Variants in POLR3H observed in about 807,000 individuals in gnomAD.
POLR3H encodes the protein RNA polymerase III subunit H.
POLR3H carries 17 observed loss-of-function variants against 25.5 expected under a neutral mutation model. The observed-to-expected ratio is 0.67, with a 90% CI of 0.46 to 1.00. The LOEUF (loss-of-function observed/expected upper bound fraction) is 1.00, where lower values mean the gene tolerates loss of function less well. POLR3H is among the 50% of genes least tolerant of loss of function. The probability of loss-of-function intolerance (pLI) is 0.00; values close to 1 mark genes in which losing one functional copy is unlikely to be tolerated. For synonymous variants in POLR3H, 129 were observed against 103.0 expected (o/e 1.25, Z -1.53); for missense variants, 274 against 265.0 (o/e 1.03, Z -0.24).
Position 41,527,244 on chromosome 22 carries a change from G to A in POLR3H, c.*2039C>T, listed in dbSNP as rs1013900776. ...AGGTAGGGCCAGACAGGTGAGGACG[G>A]TGCCCTCCTCTGCCTTATAACCTTA... On this transcript the variant is annotated 3_prime_UTR_variant, in exon 6 of 6. Transcript: ENST00000355209. The A allele has an allele frequency of 1.9e-6, 3 of 1,613,680 alleles. No individual in the cohort carries two copies. Among genetic ancestry groups the A allele is most frequent in the Admixed American group, 3.3e-5 (2 of 59,980 alleles).
In POLR3H at chr22:41,526,198, G is replaced by A; in HGVS notation, c.*3085C>T. On this transcript the variant is annotated 3_prime_UTR_variant, in exon 6 of 6. Transcript: ENST00000355209. ...CCGGGGCCTGCTGCCTGCCTCTGGA[G>A]GGCTTGTCATCCACCCCTCCAGGGC... is the stretch of plus-strand genomic sequence containing the variant. The A allele has an allele frequency of 6.7e-7, 1 of 1,496,312 alleles. No homozygotes were observed. The highest frequency in any genetic ancestry group is 9.1e-7 in the Non-Finnish European group (1 of 1,095,806). 92.7% of individuals were successfully genotyped at this position (1,496,312 alleles called of 1,614,324 possible). A position where few individuals can be genotyped will look rare whatever the true frequency, so the allele number is the denominator to read the frequency against.
chr22:41,537,982 T>A (rs2145564333), intron 2 of POLR3H, among the ~76,000 whole-genome samples: 1 of 151,010 alleles, frequency 6.6e-6, no homozygotes, highest in Non-Finnish European at 1.5e-5. Context: ...TTTTTTTTTT[T>A]TGAGATACAG....
At chr22:41,538,777 G>A (rs1346793333) in intron 2 of POLR3H, among the ~76,000 whole-genome samples, 1 of 152,138 alleles carries the variant, frequency 6.6e-6, no homozygotes, top group African/African-American at 2.4e-5. Flanking sequence ...TGTTTCTTCG[G>A]CCTCTCGGCG....
Position 41,528,431 on chromosome 22 carries a change from G to C in POLR3H, c.*852C>G, listed in dbSNP as rs771766674. On this transcript the variant is annotated 3_prime_UTR_variant, in exon 6 of 6. Coordinates refer to ENST00000355209, the MANE Select transcript of POLR3H (RefSeq NM_001018050.4). ...TCCCTGACCCCCCTGCGGGGCCAAG[G>C]GCACACAGTACCCACCACTTCCACC... 6.3e-7 allele frequency: 1 copy of C among 1,599,818 alleles called. No individual in the cohort carries two copies. Among genetic ancestry groups the C allele is most frequent in the East Asian group, 2.2e-5 (1 of 44,720 alleles).
chr22:41,527,270 C>G lies in POLR3H; in HGVS notation c.*2013G>C. The G allele has an allele frequency of 1.2e-6, 2 of 1,614,130 alleles. No individual in the cohort carries two copies. Among genetic ancestry groups the G allele is most frequent in the Non-Finnish European group, 1.7e-6 (2 of 1,179,998 alleles). On this transcript the variant is annotated 3_prime_UTR_variant, in exon 6 of 6. Coordinates refer to ENST00000355209, the MANE Select transcript of POLR3H (RefSeq NM_001018050.4). The stretch of plus-strand genomic sequence containing the variant: ...TGCCCTCCTCTGCCTTATAACCTTA[C>G]CCCCGCTTGCCTGACAGAAACATGG...
At position 41,527,503 on chromosome 22, in the gene POLR3H, C is replaced by T; in HGVS notation, c.*1780G>A. The T allele has an allele frequency of 1.3e-6, 2 of 1,531,370 alleles. No individual in the cohort carries two copies. The highest frequency in any genetic ancestry group is 1.8e-6 in the Non-Finnish European group (2 of 1,140,518). 94.9% of individuals were successfully genotyped at this position (1,531,370 alleles called of 1,614,324 possible). On this transcript the variant is annotated 3_prime_UTR_variant, in exon 6 of 6. Coordinates refer to ENST00000355209, the MANE Select transcript of POLR3H (RefSeq NM_001018050.4). ...TCTCCCTGCCCGTGGCTGAGTTGGG[C>T]CTGGTTCTAGGCTGTGTCCACTGCA...
At position 41,526,554 on chromosome 22, in the gene POLR3H, G is replaced by A. The variant is rs1015069512; in HGVS notation, c.*2729C>T. 7 of 1,335,176 alleles carry A rather than the reference G, an allele frequency of 5.2e-6. No individual in the cohort carries two copies. The highest frequency in any genetic ancestry group is 7.1e-6 in the Non-Finnish European group (7 of 982,820). 82.7% of individuals were successfully genotyped at this position (1,335,176 alleles called of 1,614,324 possible). A position where few individuals can be genotyped will look rare whatever the true frequency, so the allele number is the denominator to read the frequency against. ...TAGGGGAGTGGAAACTGGGAAGGAG[G>A]CCGACCAAGCCCAAAGGGGACTGCT... On this transcript the variant is annotated 3_prime_UTR_variant, in exon 6 of 6. Coordinates refer to ENST00000355209, the MANE Select transcript of POLR3H (RefSeq NM_001018050.4).
chr22:41,532,048 A>T, intron 4 of POLR3H, 46 bp downstream of exon 4: 2 of 1,567,058 alleles, frequency 1.3e-6, no homozygotes, highest in Non-Finnish European at 1.8e-6. Flanking sequence ...TCCTTTGGAG[A>T]GGCCTGAGCT....
Position 41,527,753 on chromosome 22 carries a change from G to A in POLR3H, c.*1530C>T. ...TTGCTAGGGGCACCCCTAGTGAAAG[G>A]GAGCAGACCAGGGCCCCATAGTCAC... On this transcript the variant is annotated 3_prime_UTR_variant, in exon 6 of 6. Transcript: ENST00000355209. 1 of 1,333,926 alleles carries A rather than the reference G, an allele frequency of 7.5e-7. No homozygotes were observed. The highest frequency in any genetic ancestry group is 1.0e-6 in the Non-Finnish European group (1 of 981,020). The allele number at this position is 1,333,926 out of a possible 1,614,324, so 82.6% of individuals were successfully genotyped here. A position where few individuals can be genotyped will look rare whatever the true frequency, so the allele number is the denominator to read the frequency against.
intron 2 of POLR3H, 37 bp downstream of exon 2, chr22:41,540,662 C>T (rs373950442): frequency 4.3e-5 from 65 of 1,514,102 alleles, no homozygotes; most frequent in Non-Finnish European, 5.0e-5. Context: ...AACTGAGCCC[C>T]AAGAAGCCCA....
At chr22:41,543,628 AAAAAC>A (rs529008269) in intron 1 of POLR3H, 57 of 385,276 alleles carry the variant, frequency 1.5e-4, no homozygotes, top group East Asian at 3.5e-4. Context: ...CTCAAAAACA[AAAAAC>A]AAAACAAAAC....
At chr22:41,529,799 G>A (rs1443310540) in intron 5 of POLR3H, 4 of 426,216 alleles carry the variant, frequency 9.4e-6, no homozygotes, top group South Asian at 3.3e-5. Context: ...ACTGTCACCC[G>A]GGCTGGAGTG....
chr22:41,527,441 A>T lies in POLR3H; in HGVS notation c.*1842T>A, dbSNP rs1457899049. 1 of 1,596,512 alleles carries T rather than the reference A, an allele frequency of 6.3e-7. No homozygotes were observed. ...CCACGGTGAGCTGGAGTCTGTACCCAGGCCATCCTCATCCCATCCCTAGTG... is the reference window on the plus strand; with the variant it reads ...CCACGGTGAGCTGGAGTCTGTACCCTGGCCATCCTCATCCCATCCCTAGTG... On this transcript the variant is annotated 3_prime_UTR_variant, in exon 6 of 6. Transcript: ENST00000355209.
rs955767214 is a variant in POLR3H at position 41,528,121 on chromosome 22, A to G, written c.*1162T>C. The G allele has an allele frequency of 4.9e-5, 75 of 1,543,134 alleles. No individual in the cohort carries two copies. In the South Asian group the frequency reaches 6.1e-4, roughly 13 times the overall value. The stretch of plus-strand genomic sequence containing the variant: ...AGGGTAGCTTCTCCCAGGAGGCTTC[A>G]TTCCAGCTGGAAAGGCCCCCAGTTC... On this transcript the variant is annotated 3_prime_UTR_variant, in exon 6 of 6. Transcript: ENST00000355209.
Position 41,544,344 on chromosome 22 carries a change from G to T in POLR3H, c.-243C>A, listed in dbSNP as rs1289046520. On this transcript the variant is annotated 5_prime_UTR_variant, in exon 1 of 6. Coordinates refer to ENST00000355209, the MANE Select transcript of POLR3H (RefSeq NM_001018050.4). ...AGCTCCGGGTGCGCGCCCGCGCCGC[G>T]AGACCCCGCCACGCCACGCCACTCC... 1 of 400,650 alleles carries T rather than the reference G, an allele frequency of 2.5e-6. No individual in the cohort carries two copies. Among genetic ancestry groups the T allele is most frequent in the East Asian group, 4.4e-5 (1 of 22,664 alleles). The allele number at this position is 400,650 out of a possible 1,614,324, so 24.8% of individuals were successfully genotyped here.
chr22:41,540,837 C>T (rs1555893779), intron 1 of POLR3H, 42 bp from the exon 2 acceptor site: 4 of 1,482,960 alleles, frequency 2.7e-6, no homozygotes, highest in South Asian at 1.1e-5. Flanking sequence ...CACATGGATA[C>T]AGAGTGACCA....
intron 2 of POLR3H, among the ~76,000 whole-genome samples, chr22:41,533,273 G>A (rs1038784463): frequency 6.6e-5 from 10 of 152,176 alleles, no homozygotes; most frequent in African/African-American, 1.9e-4. Context: ...AACACCAGGT[G>A]GGGTCTGTGC....
At position 41,529,430 on chromosome 22, in the gene POLR3H, G is replaced by C; in HGVS notation, c.562-94C>G. ...AGGGAGCCCAGCAGGCCCAGCACAG[G>C]CAAAGAAGAGGCGGGGCACACGGCA... On this transcript the variant is annotated intron_variant, in intron 5 of 5. Transcript: ENST00000355209. 4 of 1,114,982 alleles carry C rather than the reference G, an allele frequency of 3.6e-6. No individual in the cohort carries two copies. The South Asian group carries it at 5.2e-5, about 15-fold the overall frequency. The allele number at this position is 1,114,982 out of a possible 1,614,324, so 69.1% of individuals were successfully genotyped here.
Position 41,544,069 on chromosome 22 carries a change from G to C in POLR3H, c.33C>G (p.Val11=). 6.2e-7 allele frequency: 1 copy of C among 1,613,750 alleles called. No individual in the cohort carries two copies. Among genetic ancestry groups the C allele is most frequent in the Non-Finnish European group, 8.5e-7 (1 of 1,179,678 alleles). Residue 11 remains valine (V), a synonymous_variant, in exon 1 of 6, where the codon GTC becomes GTG. Transcript: ENST00000355209. ...TCTCAAACTGCCAAGGGGGGATCCGGACGGTGTCCACCATTTCCACCAGGA... is the reference window on the plus strand; with the variant it reads ...TCTCAAACTGCCAAGGGGGGATCCGCACGGTGTCCACCATTTCCACCAGGA... MFVLVEMVDT[V]RIPPWQFERK... is the part of the protein sequence containing the mutation.
Sources: gnomAD v4.1 joint callset for allele counts (sites outside exome capture counted in the v4.1 genomes callset) on GRCh38, gnomAD v4.1.1 for gene constraint, MANE v1.5 for transcripts, NCBI Gene and HGNC (gene_info 2026-07-23, HGNC 2026-07-21) for gene names.